ZNF536: variants seen among roughly 807,000 people sequenced by gnomAD.
ZNF536 encodes the protein zinc finger protein 536.
In ZNF536, 13 loss-of-function variants were observed where a neutral mutation model predicts 84.5. That is an observed-to-expected ratio of 0.15 (90% CI 0.10 to 0.24). The LOEUF is 0.24. Ranked by LOEUF, ZNF536 falls within the 10% of genes least tolerant of loss-of-function variation. ZNF536 has a pLI of 1.00. For synonymous variants in ZNF536, 811 were observed against 742.5 expected, an observed-to-expected ratio of 1.09 and a Z score of -1.50; for missense variants, 1,536 against 1,747.5, an observed-to-expected ratio of 0.88 and a Z score of 2.16.
At chr19:30,509,731 ACAC>A (rs2055332826) in intron 2 of ZNF536, among the ~76,000 whole-genome samples, 1 of 152,168 alleles carries the variant, frequency 6.6e-6, no homozygotes, top group Non-Finnish European at 1.5e-5. Flanking sequence ...CACAATCAGT[ACAC>A]TTTTCTTACC....
intron 2 of ZNF536, among the ~76,000 whole-genome samples, chr19:30,322,573 C>T (rs2046893603): frequency 6.6e-6 from 1 of 152,202 alleles, no homozygotes; most frequent in Non-Finnish European, 1.5e-5. Context: ...CCTGGCCAGG[C>T]CCACAGGAAG....
At chr19:30,620,097 C>T (rs192801089) in intron 1 of ZNF536, among the ~76,000 whole-genome samples, 4 of 149,896 alleles carry the variant, frequency 2.7e-5, no homozygotes, top group East Asian at 2.0e-4. Flanking sequence ...AACAAGAACA[C>T]GTTTAGTGCA....
At chr19:30,376,946 G>A (rs1171338277) in intron 1 of ZNF536, among the ~76,000 whole-genome samples, 1 of 152,182 alleles carries the variant, frequency 6.6e-6, no homozygotes, top group Non-Finnish European at 1.5e-5. Flanking sequence ...ATGGCCAACA[G>A]GTGTTTGCAG....
At chr19:30,454,106 T>A (rs1196919107) in intron 2 of ZNF536, among the ~76,000 whole-genome samples, 1 of 152,234 alleles carries the variant, frequency 6.6e-6, no homozygotes, top group Non-Finnish European at 1.5e-5. Flanking sequence ...CAGCTTTTCT[T>A]GCAAGCAGTG....
At chr19:30,561,836 G>A (rs558851458), downstream of ZNF536, among the ~76,000 whole-genome samples, 1 of 152,284 alleles carries the variant, frequency 6.6e-6, no homozygotes, top group South Asian at 2.1e-4. Flanking sequence ...AGAGGCCATT[G>A]GTATTGCCAG....
At chr19:30,453,458 A>G (rs1239719020) in intron 2 of ZNF536, among the ~76,000 whole-genome samples, 1 of 152,178 alleles carries the variant, frequency 6.6e-6, no homozygotes, top group Non-Finnish European at 1.5e-5. Flanking sequence ...GTCCTTGTAT[A>G]TTGTGAGTAT....
intron 1 of ZNF536, among the ~76,000 whole-genome samples, chr19:30,676,081 G>T (rs1169705020): frequency 6.6e-6 from 1 of 152,034 alleles, no homozygotes; most frequent in African/African-American, 2.4e-5. Flanking sequence ...GGCTGGTCTT[G>T]AACTCCCGGG....
chr19:30,526,696 C>G (rs2044597628), intron 2 of ZNF536, among the ~76,000 whole-genome samples: 1 of 114,222 alleles, frequency 8.8e-6, no homozygotes, highest in Non-Finnish European at 2.1e-5. Context: ...TGCACTCCAG[C>G]CTGGGCGACA....
intron 2 of ZNF536, among the ~76,000 whole-genome samples, chr19:30,513,853 G>T (rs2055520916): frequency 6.6e-6 from 1 of 152,242 alleles, no homozygotes; most frequent in Admixed American, 6.5e-5. Flanking sequence ...TCTCCACCAA[G>T]CTGTTTCTTT....
chr19:30,467,661 A>G (rs2053471265), intron 2 of ZNF536, among the ~76,000 whole-genome samples: 1 of 152,214 alleles, frequency 6.6e-6, no homozygotes, highest in South Asian at 2.1e-4. Context: ...CATGGATTGT[A>G]TCCTATGCTA....
chr19:30,346,807 C>G lies in ZNF536; in HGVS notation c.-119-5561C>G, dbSNP rs193131238. The stretch of plus-strand genomic sequence containing the variant: ...TGTAAATAATGCTGCAATGAACATA[C>G]GCATACATGTCTCTCTTTATAACAG... On this transcript the variant is annotated intron_variant, in intron 2 of 5. Transcript: ENST00000585628. 2.7e-4 allele frequency among the ~76,000 whole-genome samples: 41 copies of G among 152,268 alleles called. No individual in the cohort carries two copies. In the East Asian group the frequency reaches 6.9e-3, roughly 26 times the overall value.
At chr19:30,515,823 C>T (rs1303835118) in intron 2 of ZNF536, among the ~76,000 whole-genome samples, 16 of 151,840 alleles carry the variant, frequency 1.1e-4, no homozygotes, top group South Asian at 6.3e-4. Flanking sequence ...GTCAGGAGTT[C>T]GAGACCAGCC....
At chr19:30,571,488 T>C (rs1428607414) in intron 1 of ZNF536, among the ~76,000 whole-genome samples, 1 of 152,126 alleles carries the variant, frequency 6.6e-6, no homozygotes, top group Non-Finnish European at 1.5e-5. Context: ...TGAACAAAGA[T>C]GTAAAAGGCA....
chr19:30,283,417 G>A (rs1355512710), intron 1 of ZNF536, among the ~76,000 whole-genome samples: 10 of 152,208 alleles, frequency 6.6e-5, no homozygotes, highest in Non-Finnish European at 1.5e-4. Context: ...GCCGTAGGAG[G>A]TGAGATCACC....
At chr19:30,466,604 A>AGAGAGAGAGAGAG (rs1568460022) in intron 2 of ZNF536, among the ~76,000 whole-genome samples, 1 of 106,636 alleles carries the variant, frequency 9.4e-6, no homozygotes, top group South Asian at 3.7e-4. Context: ...GAGAGAGAGA[A>AGAGAGAGAGAGAG]AGAAAAGAGA....
intron 1 of ZNF536, among the ~76,000 whole-genome samples, chr19:30,611,474 AATATGCAGTC>A (rs375966187): frequency 7.2e-5 from 11 of 152,334 alleles, no homozygotes; most frequent in African/African-American, 2.6e-4. Context: ...TGTTCTTCCT[AATATGCAGTC>A]ATATGAACCA....
At chr19:30,353,189 A>G (rs1195046659) in intron 3 of ZNF536, among the ~76,000 whole-genome samples, 1 of 152,176 alleles carries the variant, frequency 6.6e-6, no homozygotes, top group Non-Finnish European at 1.5e-5. Flanking sequence ...TAGCAATTGC[A>G]CAGGTGCCGG....
intron 1 of ZNF536, among the ~76,000 whole-genome samples, chr19:30,673,142 C>T (rs1047545908): frequency 3.9e-5 from 6 of 152,162 alleles, no homozygotes; most frequent in African/African-American, 7.2e-5. Flanking sequence ...TCCGAGCCTC[C>T]GTTTCCTCAT....
intron 3 of ZNF536, among the ~76,000 whole-genome samples, chr19:30,536,225 A>G (rs903615708): frequency 2.6e-5 from 4 of 152,122 alleles, no homozygotes; most frequent in Admixed American, 6.5e-5. Flanking sequence ...CACCACCTGC[A>G]TTCTCCCTGT....
Sources: allele counts gnomAD v4.1 joint callset (sites outside exome capture counted in the v4.1 genomes callset), GRCh38; gene constraint gnomAD v4.1.1; transcripts MANE v1.5; gene names NCBI Gene and HGNC (gene_info 2026-07-23, HGNC 2026-07-21).